The following RPS6KA5 variants were observed in gnomAD, a reference collection of about 807,000 sequenced individuals.
RPS6KA5 encodes ribosomal protein S6 kinase alpha-5.
Under a neutral mutation model 85.5 loss-of-function variants are expected in RPS6KA5, and 27 were observed. That is an observed-to-expected ratio of 0.32 (90% CI 0.23 to 0.44). The LOEUF (loss-of-function observed/expected upper bound fraction) is 0.44. Ranked by LOEUF, RPS6KA5 falls within the 20% of genes least tolerant of loss-of-function variation. The pLI, the probability that RPS6KA5 is intolerant of heterozygous loss-of-function variation, is 1.00. For synonymous variants in RPS6KA5, 334 were observed against 348.2 expected (o/e 0.96, Z 0.46); for missense variants, 811 against 980.9 (o/e 0.83, Z 2.31).
intron 5 of RPS6KA5, among the ~76,000 whole-genome samples, chr14:90,940,828 G>C (rs1035082377): frequency 6.6e-6 from 1 of 152,200 alleles, no homozygotes; most frequent in African/African-American, 2.4e-5. Context: ...TCTCCTAGGA[G>C]TGCCAACCCT....
At chr14:90,893,960 C>T in intron 13 of RPS6KA5, 4 of 822,036 alleles carry the variant, frequency 4.9e-6, no homozygotes, top group Non-Finnish European at 5.9e-6. Flanking sequence ...TAAACCAAGA[C>T]AACTCTTTAA....
intron 2 of RPS6KA5, among the ~76,000 whole-genome samples, chr14:90,997,961 T>C (rs1365743294): frequency 1.4e-5 from 2 of 146,572 alleles, no homozygotes; most frequent in East Asian, 2.0e-4. Context: ...TGCTGTGAGA[T>C]TGCGCCACTG....
In RPS6KA5 at chr14:90,871,378, T is replaced by C. The variant is rs915764124; in HGVS notation, c.*696A>G. ...TACCTTAATATTCTGCAATAACCAT[T>C]AAAACAAATTGCCAGGAAAGAGCAG... On this transcript the variant is annotated 3_prime_UTR_variant, in exon 17 of 17. Transcript: ENST00000614987. The C allele has an allele frequency of 3.3e-5, 5 of 152,492 alleles. No individual in the cohort carries two copies. The highest frequency in any genetic ancestry group is 6.5e-5 in the Admixed American group (1 of 15,272). 9.4% of individuals were successfully genotyped at this position (152,492 alleles called of 1,614,324 possible). A position where few individuals can be genotyped will look rare whatever the true frequency, so the allele number is the denominator to read the frequency against.
intron 7 of RPS6KA5, among the ~76,000 whole-genome samples, chr14:90,919,274 G>C (rs1488519545): frequency 6.6e-6 from 1 of 152,100 alleles, no homozygotes; most frequent in Non-Finnish European, 1.5e-5. Context: ...CAATCATAGG[G>C]CTCACCTCAT....
At chr14:90,984,478 C>T (rs2039973520) in intron 2 of RPS6KA5, among the ~76,000 whole-genome samples, 1 of 152,210 alleles carries the variant, frequency 6.6e-6, no homozygotes, top group Non-Finnish European at 1.5e-5. Flanking sequence ...AAGAACACTG[C>T]AGACATCTTA....
At chr14:90,937,504 C>G (rs1308163381) in intron 5 of RPS6KA5, among the ~76,000 whole-genome samples, 2 of 151,834 alleles carry the variant, frequency 1.3e-5, no homozygotes, top group South Asian at 2.1e-4. Context: ...CAGAAATGGT[C>G]AAAGAGGAAG....
Position 90,857,569 on chromosome 14 carries a change from C to A in RPS6KA5, c.*14505G>T, listed in dbSNP as rs1566660342. The A allele has an allele frequency of 1.3e-5, 2 of 152,108 alleles. No homozygotes were observed. Among genetic ancestry groups the A allele is most frequent in the Non-Finnish European group, 2.9e-5 (2 of 68,020 alleles). The allele number at this position is 152,108 out of a possible 1,614,324, so 9.4% of individuals were successfully genotyped here. A position where few individuals can be genotyped will look rare whatever the true frequency, so the allele number is the denominator to read the frequency against. ...GTGAGATTTTTATGTAACACAGAAA[C>A]TCATAGTTAGGGAATTGGGCTTGCA... is the stretch of plus-strand genomic sequence containing the variant. On this transcript the variant is annotated 3_prime_UTR_variant, in exon 17 of 17. Coordinates refer to ENST00000614987, the MANE Select transcript of RPS6KA5 (RefSeq NM_004755.4).
At chr14:90,983,803 C>CTCTCTCTCTG (rs2039923091) in intron 2 of RPS6KA5, among the ~76,000 whole-genome samples, 1 of 123,762 alleles carries the variant, frequency 8.1e-6, no homozygotes. Context: ...CTCTCTCTCT[C>CTCTCTCTCTG]TCTCTCTCTC....
chr14:90,896,705 A>T (rs2034854147), intron 12 of RPS6KA5, among the ~76,000 whole-genome samples: 2 of 151,922 alleles, frequency 1.3e-5, no homozygotes, highest in Admixed American at 1.3e-4. Context: ...GTGATCCTCA[A>T]CATTTTTTTT....
At chr14:90,979,855 A>G (rs1338799405) in intron 2 of RPS6KA5, among the ~76,000 whole-genome samples, 2 of 152,256 alleles carry the variant, frequency 1.3e-5, no homozygotes, top group African/African-American at 2.4e-5. Flanking sequence ...AGACTGAGGC[A>G]AGAAGCAGCA....
At chr14:91,003,202 A>G (rs2140593785) in intron 1 of RPS6KA5, among the ~76,000 whole-genome samples, 1 of 152,232 alleles carries the variant, frequency 6.6e-6, no homozygotes, top group South Asian at 2.1e-4. Context: ...TGAGATATGT[A>G]CAAGCCCAGC....
chr14:90,990,495 A>G (rs2040255643), intron 2 of RPS6KA5, among the ~76,000 whole-genome samples: 3 of 152,212 alleles, frequency 2.0e-5, no homozygotes, highest in Admixed American at 2.0e-4. Context: ...TAAAACAGAA[A>G]TACCACTCAA....
At chr14:91,019,874 C>T (rs144798436) in intron 1 of RPS6KA5, among the ~76,000 whole-genome samples, 107 of 152,262 alleles carry the variant, frequency 7.0e-4, no homozygotes, top group African/African-American at 2.6e-3. Context: ...CTGAGAAATG[C>T]ATCATTAAGC....
intron 1 of RPS6KA5, among the ~76,000 whole-genome samples, chr14:91,009,531 T>A (rs2041169781): frequency 6.6e-6 from 1 of 152,204 alleles, no homozygotes; most frequent in Non-Finnish European, 1.5e-5. Context: ...ATTACAGGCA[T>A]GATGCCTGGC....
intron 1 of RPS6KA5, among the ~76,000 whole-genome samples, chr14:91,015,515 G>C (rs1195800627): frequency 6.6e-6 from 1 of 152,152 alleles, no homozygotes; most frequent in East Asian, 1.9e-4. Context: ...CTATTTCCAA[G>C]GATAAGATTT....
chr14:90,876,393 A>T (rs959094207), intron 14 of RPS6KA5, among the ~76,000 whole-genome samples: 1 of 151,988 alleles, frequency 6.6e-6, no homozygotes, highest in African/African-American at 2.4e-5. Context: ...TATTTTTCTC[A>T]CTGTTGTCTT....
chr14:90,919,403 T>C (rs1307854204), intron 7 of RPS6KA5, among the ~76,000 whole-genome samples: 1 of 152,214 alleles, frequency 6.6e-6, no homozygotes, highest in African/African-American at 2.4e-5. Context: ...AAAGTAAATC[T>C]GGTCCCTGTT....
chr14:91,042,353 C>CAA (rs930658443), intron 1 of RPS6KA5, among the ~76,000 whole-genome samples: 1 of 146,598 alleles, frequency 6.8e-6, no homozygotes, highest in African/African-American at 2.5e-5. Flanking sequence ...ACTAAAAATA[C>CAA]AAAAAAAAAT....
chr14:90,993,729 T>C (rs2040401482), intron 2 of RPS6KA5, among the ~76,000 whole-genome samples: 1 of 152,200 alleles, frequency 6.6e-6, no homozygotes, highest in African/African-American at 2.4e-5. Flanking sequence ...CTCTCTGATG[T>C]ATCTACATAA....
Sources: gnomAD v4.1 joint callset for allele counts (sites outside exome capture counted in the v4.1 genomes callset) on GRCh38, gnomAD v4.1.1 for gene constraint, MANE v1.5 for transcripts, NCBI Gene and HGNC (gene_info 2026-07-23, HGNC 2026-07-21) for gene names.